Variants in RASA3 observed in about 807,000 individuals in gnomAD.
The protein encoded by RASA3 is ras GTPase-activating protein 3.
A neutral mutation model predicts 110.0 loss-of-function variants in RASA3; 73 were observed. The observed-to-expected ratio is 0.66, with a 90% CI of 0.55 to 0.81. The LOEUF (loss-of-function observed/expected upper bound fraction) is 0.81. Among genes scored for constraint, RASA3 ranks in the 30% least tolerant of loss-of-function variants. The pLI is 0.00. For missense variants in RASA3, 976 were observed against 1,113.2 expected (o/e 0.88, Z 1.75); for synonymous variants, 500 against 451.4 (o/e 1.11, Z -1.37).
intron 2 of RASA3, among the ~76,000 whole-genome samples, chr13:114,066,186 A>C (rs1180671739): frequency 6.7e-6 from 1 of 148,896 alleles, no homozygotes; most frequent in Non-Finnish European, 1.5e-5. Flanking sequence ...AAAAAGAACC[A>C]CCATCCTTAC....
At chr13:114,075,359 A>C (rs955896507) in intron 1 of RASA3, among the ~76,000 whole-genome samples, 4 of 152,336 alleles carry the variant, frequency 2.6e-5, no homozygotes, top group African/African-American at 9.6e-5. Flanking sequence ...AGATAAACTC[A>C]GTTTGAAGCT....
chr13:114,062,329 A>G (rs56188498), intron 2 of RASA3, among the ~76,000 whole-genome samples: 40,008 of 151,942 alleles, frequency 0.26, 5,413 homozygotes, highest in African/African-American at 0.33. Context: ...GGGGGCTCGC[A>G]TTGTACAAAG....
At chr13:114,051,739 C>T (rs762248252) in intron 3 of RASA3, among the ~76,000 whole-genome samples, 1 of 152,128 alleles carries the variant, frequency 6.6e-6, no homozygotes, top group Non-Finnish European at 1.5e-5. Flanking sequence ...GGTCCCCCCA[C>T]AGATGCCCCG....
rs575521525 is a variant in RASA3, at chr13:114,117,046, CGTGT to C, written c.55+15385_55+15388del. 6.2e-3 allele frequency among the ~76,000 whole-genome samples: 619 copies of C among 99,632 alleles called. 15 individuals are homozygous for C. Among genetic ancestry groups the C allele is most frequent in the African/African-American group, 0.024 (584 of 23,988 alleles). The allele number at this position is 99,632 out of a possible 152,430, so 65.4% of individuals were successfully genotyped here. A position where few individuals can be genotyped will look rare whatever the true frequency, so the allele number is the denominator to read the frequency against. On this transcript the variant is annotated intron_variant, in intron 1 of 23. Transcript: ENST00000334062. ...GGGGTGCACGTGTGAGAGGGGTGCACGTGTGTGAGGGGTGCATGTGTGTGGGGGT... is the reference window on the plus strand; with the variant it reads ...GGGGTGCACGTGTGAGAGGGGTGCACGTGAGGGGTGCATGTGTGTGGGGGT...
At chr13:114,094,693 C>A (rs1270920932) in intron 1 of RASA3, among the ~76,000 whole-genome samples, 1 of 152,206 alleles carries the variant, frequency 6.6e-6, no homozygotes, top group Non-Finnish European at 1.5e-5. Flanking sequence ...TCACATTCTA[C>A]CTGACATCCT....
At chr13:114,081,153 CG>C (rs1470186191) in intron 1 of RASA3, among the ~76,000 whole-genome samples, 1 of 139,458 alleles carries the variant, frequency 7.2e-6, no homozygotes, top group Non-Finnish European at 1.5e-5. Flanking sequence ...CCCAGTTACA[CG>C]CTCCTGGTGC....
At chr13:113,982,116 T>C (rs2052950438) in intron 22 of RASA3, among the ~76,000 whole-genome samples, 1 of 152,208 alleles carries the variant, frequency 6.6e-6, no homozygotes, top group Non-Finnish European at 1.5e-5. Flanking sequence ...CTCTGAGGGC[T>C]CTGCTGCCCC....
intron 19 of RASA3, 111 bp from the exon 20 acceptor site, chr13:113,999,778 G>C (rs1419191203): frequency 7.1e-6 from 3 of 421,328 alleles, no homozygotes; most frequent in African/African-American, 6.7e-5. Flanking sequence ...TTTACCGGGG[G>C]GTCTCTGCCA....
chr13:114,127,808 G>A (rs1460364651), intron 1 of RASA3, among the ~76,000 whole-genome samples: 1 of 152,194 alleles, frequency 6.6e-6, no homozygotes, highest in Non-Finnish European at 1.5e-5. Context: ...CGGATCCCAG[G>A]AGCCCGTGGA....
In RASA3 at chr13:114,114,184, C is replaced by T. The variant is rs574128868; in HGVS notation, c.55+18251G>A. Among the ~76,000 whole-genome samples, 9 of 152,342 alleles carry T rather than the reference C, an allele frequency of 5.9e-5. No homozygotes were observed. The highest frequency in any genetic ancestry group is 1.9e-4 in the East Asian group (1 of 5,190). On this transcript the variant is annotated intron_variant, in intron 1 of 23. Transcript: ENST00000334062. The surrounding 1 kb of genome is among the most constrained non-coding windows in gnomAD (Gnocchi z 4.8). ...TCCACCCCACCACGGTGAGCGTCTG[C>T]GATGTCCGTGCAGGGGAGAGAGACC...
intron 1 of RASA3, among the ~76,000 whole-genome samples, chr13:114,076,907 G>A (rs1471764791): frequency 2.6e-5 from 4 of 152,178 alleles, no homozygotes; most frequent in African/African-American, 7.2e-5. Flanking sequence ...GTGACCTGAC[G>A]CTGACCATAT....
Position 114,104,939 on chromosome 13 carries a change from G to A in RASA3, c.55+27496C>T, listed in dbSNP as rs536694218. 9.0e-4 allele frequency among the ~76,000 whole-genome samples: 134 copies of A among 149,542 alleles called. No homozygotes were observed. In the Middle Eastern group the frequency reaches 0.01, roughly 12 times the overall value. On this transcript the variant is annotated intron_variant, in intron 1 of 23. Transcript: ENST00000334062. ...CCCCTCCCCACACACGTTCACCTGA[G>A]CATTGCCCACACCAGCGTCAGCAGC...
chr13:114,003,891 G>A (rs1002923527), intron 18 of RASA3, among the ~76,000 whole-genome samples: 2 of 152,206 alleles, frequency 1.3e-5, no homozygotes, highest in Non-Finnish European at 2.9e-5. Context: ...ATATTCTGGC[G>A]TCTCTTTATT....
chr13:114,004,550 C>T (rs1282776170), intron 18 of RASA3, among the ~76,000 whole-genome samples: 1 of 151,962 alleles, frequency 6.6e-6, no homozygotes, highest in African/African-American at 2.4e-5. Flanking sequence ...AAGCCACCTG[C>T]GACCCCAGCT....
chr13:114,077,841 C>CT (rs2079717960), intron 1 of RASA3: 2 of 984,614 alleles, frequency 2.0e-6, no homozygotes, highest in Admixed American at 1.2e-4. Flanking sequence ...GGCTGAGACT[C>CT]TTTCTTTTTA....
intron 2 of RASA3, among the ~76,000 whole-genome samples, chr13:114,061,919 C>T (rs77687017): frequency 0.22 from 33,695 of 151,854 alleles, 3,781 homozygotes; most frequent in South Asian, 0.31. Flanking sequence ...GAGCACACGG[C>T]GCAGGGGTTG....
At chr13:114,054,456 A>G (rs1208016767) in intron 2 of RASA3, among the ~76,000 whole-genome samples, 1 of 151,776 alleles carries the variant, frequency 6.6e-6, no homozygotes. Flanking sequence ...GGAGGGGCCC[A>G]GAGTCCAGGT....
intron 1 of RASA3, among the ~76,000 whole-genome samples, chr13:114,088,562 T>TTTG: frequency 6.6e-6 from 1 of 152,220 alleles, no homozygotes; most frequent in African/African-American, 2.4e-5. Context: ...TAATTTTTTT[T>TTTG]TTTTTTGAGA....
chr13:114,115,266 C>T lies in RASA3; in HGVS notation c.55+17169G>A, dbSNP rs1388595138. Among the ~76,000 whole-genome samples, 2 of 152,198 alleles carry T rather than the reference C, an allele frequency of 1.3e-5. No individual in the cohort carries two copies. The highest frequency in any genetic ancestry group is 6.5e-5 in the Admixed American group (1 of 15,284). On this transcript the variant is annotated intron_variant, in intron 1 of 23. Transcript: ENST00000334062. This position sits in a 1 kb window ranked among gnomAD's most constrained non-coding sequence, Gnocchi z 5.0. ...TGCCGCCGTGCGGTAGCAGTTTTCC[C>T]GAGTGTCTCCTGGCTGGGACGGCTG...
Sources: allele counts gnomAD v4.1 joint callset (sites outside exome capture counted in the v4.1 genomes callset), GRCh38; gene constraint gnomAD v4.1.1; non-coding constraint Gnocchi (gnomAD v3.1); transcripts MANE v1.5; gene names NCBI Gene and HGNC (gene_info 2026-07-23, HGNC 2026-07-21).